Variants in PTPN9 observed in about 807,000 individuals in gnomAD.
PTPN9 encodes protein tyrosine phosphatase non-receptor type 9, also known as tyrosine-protein phosphatase non-receptor type 9.
PTPN9 carries 26 observed loss-of-function variants against 69.8 expected under a neutral mutation model. The ratio of observed to expected loss-of-function variants is 0.37; its 90% CI spans 0.27 to 0.52. The LOEUF (loss-of-function observed/expected upper bound fraction) is 0.52, where lower values mean the gene tolerates loss of function less well. Among genes scored for constraint, PTPN9 ranks in the 20% least tolerant of loss-of-function variants. The pLI, the probability that PTPN9 is intolerant of heterozygous loss-of-function variation, is 0.91. For synonymous variants in PTPN9, 274 were observed against 272.5 expected, an observed-to-expected ratio of 1.01 and a Z score of -0.05; for missense variants, 549 against 740.3, an observed-to-expected ratio of 0.74 and a Z score of 3.00.
Position 75,578,815 on chromosome 15 carries a change from C to T in PTPN9, c.-39G>A. The stretch of plus-strand genomic sequence containing the variant: ...CCGCCGGGCGGACAAAACTCGCTCG[C>T]GAGCGCGGGAGCCCGGCGCGCTCGG... On this transcript the variant is annotated 5_prime_UTR_variant, in exon 1 of 13. Coordinates refer to ENST00000618819, the MANE Select transcript of PTPN9 (RefSeq NM_002833.4). 1 of 1,199,650 alleles carries T rather than the reference C, an allele frequency of 8.3e-7. No homozygotes were observed. 74.3% of individuals were successfully genotyped at this position (1,199,650 alleles called of 1,614,324 possible).
chr15:75,496,280 TAA>T (rs748668415), intron 7 of PTPN9, among the ~76,000 whole-genome samples: 3 of 138,536 alleles, frequency 2.2e-5, no homozygotes, highest in African/African-American at 2.6e-5. Flanking sequence ...TTCTAAAAAT[TAA>T]AAAAAAAAAA....
At chr15:75,548,652 ATT>A (rs540489248) in intron 1 of PTPN9, among the ~76,000 whole-genome samples, 23 of 133,832 alleles carry the variant, frequency 1.7e-4, no homozygotes, top group Admixed American at 3.0e-4. Context: ...ACAAGGGGAA[ATT>A]TTTTTTTTTT....
intron 9 of PTPN9, among the ~76,000 whole-genome samples, chr15:75,475,243 A>G (rs2074589363): frequency 1.3e-5 from 2 of 152,184 alleles, no homozygotes; most frequent in African/African-American, 2.4e-5. Context: ...GCACTCAGCA[A>G]TAACTTTGAA....
chr15:75,533,733 A>G (rs945900929), intron 1 of PTPN9, among the ~76,000 whole-genome samples: 2 of 152,220 alleles, frequency 1.3e-5, no homozygotes, highest in Non-Finnish European at 2.9e-5. Context: ...AGCAGGGTAC[A>G]CCCTGGACAC....
chr15:75,484,039 CTTCTT>C (rs2074659696), intron 8 of PTPN9, among the ~76,000 whole-genome samples: 1 of 152,186 alleles, frequency 6.6e-6, no homozygotes, highest in Non-Finnish European at 1.5e-5. Context: ...AGGGAGTTCT[CTTCTT>C]CCCCATGTTA....
chr15:75,490,321 C>G lies in PTPN9; in HGVS notation c.969-20G>C. On this transcript the variant is annotated intron_variant, in intron 7 of 12. Coordinates refer to ENST00000618819, the MANE Select transcript of PTPN9 (RefSeq NM_002833.4). ...GGAGACCTGAAGGAAACGAAACAAA[C>G]AAGCAAGAATAAAGAAAAAGTGGGG... 6.5e-7 allele frequency: 1 copy of G among 1,549,220 alleles called. No individual in the cohort carries two copies. Among genetic ancestry groups the G allele is most frequent in the Non-Finnish European group, 8.9e-7 (1 of 1,121,378 alleles).
At chr15:75,488,672 T>C (rs925364090) in intron 8 of PTPN9, among the ~76,000 whole-genome samples, 3 of 152,056 alleles carry the variant, frequency 2.0e-5, no homozygotes, top group Non-Finnish European at 4.4e-5. Context: ...CGTGTGCCTG[T>C]AGTCTCAGCT....
intron 5 of PTPN9, among the ~76,000 whole-genome samples, chr15:75,511,749 G>C (rs561310038): frequency 1.5e-4 from 23 of 152,090 alleles, no homozygotes; most frequent in African/African-American, 5.5e-4. Flanking sequence ...ATATGACATA[G>C]GTAATTTAAT....
chr15:75,578,735 C>T lies in PTPN9; in HGVS notation c.42G>A (p.Glu14=). The part of the protein sequence containing the change: ...ATAPRPDMAP[E]LTPEEEQATK... The stretch of plus-strand genomic sequence containing the variant: ...TTACCTGCTCCTCCTCCGGGGTCAG[C>T]TCCGGCGCCATGTCGGGCCGGGGCG... Residue 14 remains glutamate (E), a synonymous_variant, in exon 1 of 13, where the codon GAG becomes GAA. Coordinates refer to ENST00000618819, the MANE Select transcript of PTPN9 (RefSeq NM_002833.4). The T allele has an allele frequency of 7.5e-7, 1 of 1,334,200 alleles. No homozygotes were observed. The highest frequency in any genetic ancestry group is 9.6e-7 in the Non-Finnish European group (1 of 1,040,702). 82.6% of individuals were successfully genotyped at this position (1,334,200 alleles called of 1,614,324 possible).
chr15:75,504,096 CCCGGACAGCCGCCCCGT>C (rs2074796628), intron 7 of PTPN9, among the ~76,000 whole-genome samples: 2 of 104,630 alleles, frequency 1.9e-5, no homozygotes. Flanking sequence ...CAGCACCCCG[CCCGGACAGCCGCCCCGT>C]CCGGGAGGGA....
chr15:75,504,058 G>A (rs569804482), intron 7 of PTPN9, among the ~76,000 whole-genome samples: 82 of 116,730 alleles, frequency 7.0e-4, no homozygotes, highest in African/African-American at 2.3e-3. Context: ...CCGGCCAGCC[G>A]ACCCGTCCGG....
intron 10 of PTPN9, among the ~76,000 whole-genome samples, chr15:75,473,198 G>A (rs2074577844): frequency 1.3e-5 from 2 of 152,042 alleles, no homozygotes; most frequent in South Asian, 4.1e-4. Flanking sequence ...CCCGGGTTGT[G>A]GATTAGCTAA....
intron 5 of PTPN9, among the ~76,000 whole-genome samples, chr15:75,516,637 C>T (rs1192428493): frequency 1.3e-5 from 2 of 151,610 alleles, no homozygotes; most frequent in Non-Finnish European, 1.5e-5. Context: ...TTCATACACA[C>T]CTTATACACA....
chr15:75,536,363 T>A (rs2074982338), intron 1 of PTPN9, among the ~76,000 whole-genome samples: 1 of 152,194 alleles, frequency 6.6e-6, no homozygotes, highest in Non-Finnish European at 1.5e-5. Context: ...CAGTTTACAA[T>A]CATTTAACTA....
intron 1 of PTPN9, among the ~76,000 whole-genome samples, chr15:75,564,685 C>T (rs1334614974): frequency 6.6e-6 from 1 of 151,982 alleles, no homozygotes; most frequent in African/African-American, 2.4e-5. Context: ...ATCTGGAGTG[C>T]AGTGGCTCAT....
In PTPN9 at chr15:75,524,382, A is replaced by C. The variant is rs2074918428; in HGVS notation, c.208-84T>G. 4.1e-6 allele frequency: 3 copies of C among 736,696 alleles called. No individual in the cohort carries two copies. The African/African-American group carries it at 5.3e-5, about 13-fold the overall frequency. The allele number at this position is 736,696 out of a possible 1,614,324, so 45.6% of individuals were successfully genotyped here. ...ACCATGTAACCACCAAATCTCAGAGATAAGGTGGTTATCAATGAATGAATG... is the reference window on the plus strand; with the variant it reads ...ACCATGTAACCACCAAATCTCAGAGCTAAGGTGGTTATCAATGAATGAATG... On this transcript the variant is annotated intron_variant, in intron 2 of 12. Transcript: ENST00000618819.
intron 10 of PTPN9, among the ~76,000 whole-genome samples, chr15:75,473,480 C>G (rs1307874016): frequency 6.6e-6 from 1 of 152,042 alleles, no homozygotes; most frequent in African/African-American, 2.4e-5. Context: ...TTAATAGAGA[C>G]GGGGTTTCAC....
At chr15:75,480,737 C>T (rs2074626504) in intron 8 of PTPN9, 2 of 1,297,584 alleles carry the variant, frequency 1.5e-6, no homozygotes, top group Non-Finnish European at 2.0e-6. Context: ...CAGCGGGCAG[C>T]GGAGCTGTCT....
At chr15:75,483,053 AAGAT>A (rs1263120491) in intron 8 of PTPN9, among the ~76,000 whole-genome samples, 1 of 152,248 alleles carries the variant, frequency 6.6e-6, no homozygotes, top group Non-Finnish European at 1.5e-5. Flanking sequence ...ACAGATATCA[AAGAT>A]AGATAATACT....
Sources: gnomAD v4.1 joint callset for allele counts (sites outside exome capture counted in the v4.1 genomes callset) on GRCh38, gnomAD v4.1.1 for gene constraint, MANE v1.5 for transcripts, NCBI Gene and HGNC (gene_info 2026-07-23, HGNC 2026-07-21) for gene names.